The following NEDD4L variants were observed in gnomAD, a reference collection of about 807,000 sequenced individuals.
The protein encoded by NEDD4L is NEDD4 like E3 ubiquitin protein ligase.
A neutral mutation model predicts 148.9 loss-of-function variants in NEDD4L; 54 were observed. That is an observed-to-expected ratio of 0.36 (90% confidence interval 0.29 to 0.45). The LOEUF is 0.45. Among genes scored for constraint, NEDD4L ranks in the 20% least tolerant of loss-of-function variants. The pLI is 1.00. For missense variants in NEDD4L, 856 were observed against 1,233.8 expected (o/e 0.69, Z 4.59); for synonymous variants, 433 against 440.7 (o/e 0.98, Z 0.22).
chr18:58,202,990 C>T (rs1195187781), intron 2 of NEDD4L, among the ~76,000 whole-genome samples: 4 of 151,354 alleles, frequency 2.6e-5, no homozygotes, highest in African/African-American at 9.7e-5. Flanking sequence ...TTTTAAGAGA[C>T]AAGGTTTTAC....
At chr18:58,380,788 C>T (rs543465401) in intron 24 of NEDD4L, among the ~76,000 whole-genome samples, 4 of 152,200 alleles carry the variant, frequency 2.6e-5, no homozygotes, top group South Asian at 2.1e-4. Context: ...GAGTTCTCAT[C>T]GTTTAACTCC....
At chr18:58,291,845 C>T (rs2054119800) in intron 5 of NEDD4L, among the ~76,000 whole-genome samples, 1 of 152,096 alleles carries the variant, frequency 6.6e-6, no homozygotes, top group Non-Finnish European at 1.5e-5. Flanking sequence ...AAGATGTATT[C>T]AGTTTTCCCT....
intron 15 of NEDD4L, 86 bp downstream of exon 15, chr18:58,341,883 C>T (rs2042473407): frequency 2.1e-6 from 3 of 1,435,232 alleles, no homozygotes; most frequent in African/African-American, 2.8e-5. Flanking sequence ...TTCAGTTTCG[C>T]AGCCACCTCC....
intron 1 of NEDD4L, among the ~76,000 whole-genome samples, chr18:58,074,434 ATTTT>A (rs544878321): frequency 0.018 from 1,988 of 111,724 alleles, 55 homozygotes; most frequent in African/African-American, 0.06. Flanking sequence ...AATTTTTTGT[ATTTT>A]TTTTTTTTTT....
chr18:58,126,185 C>T (rs1007505681), intron 1 of NEDD4L, among the ~76,000 whole-genome samples: 7 of 152,224 alleles, frequency 4.6e-5, no homozygotes, highest in Middle Eastern at 3.2e-3. Flanking sequence ...TGATGCAATG[C>T]GGTGGCTTTT....
chr18:58,049,172 T>C (rs2081738739), intron 1 of NEDD4L, among the ~76,000 whole-genome samples: 1 of 152,232 alleles, frequency 6.6e-6, no homozygotes, highest in South Asian at 2.1e-4. Flanking sequence ...AATCATTCAG[T>C]ACTTTTAAGT....
intron 19 of NEDD4L, among the ~76,000 whole-genome samples, chr18:58,360,882 C>A (rs1412059478): frequency 2.6e-5 from 4 of 151,990 alleles, no homozygotes; most frequent in African/African-American, 9.7e-5. Context: ...AGCTTGGGTT[C>A]ATGCACCCCC....
intron 1 of NEDD4L, among the ~76,000 whole-genome samples, chr18:58,083,710 A>G (rs2083592727): frequency 6.6e-6 from 1 of 152,086 alleles, no homozygotes; most frequent in Admixed American, 6.5e-5. Context: ...AAACAAAACA[A>G]CAACAACAGA....
chr18:58,111,048 C>T (rs2085389493), intron 1 of NEDD4L, among the ~76,000 whole-genome samples: 1 of 152,138 alleles, frequency 6.6e-6, no homozygotes, highest in African/African-American at 2.4e-5. Context: ...GTTGTGCAAC[C>T]ATCATTATGA....
intron 2 of NEDD4L, among the ~76,000 whole-genome samples, chr18:58,239,069 C>G: frequency 6.6e-6 from 1 of 152,192 alleles, no homozygotes; most frequent in East Asian, 1.9e-4. Flanking sequence ...AAACCTTCAA[C>G]AAAACAAGTT....
chr18:58,330,105 T>C (rs551458934), intron 10 of NEDD4L, among the ~76,000 whole-genome samples: 1 of 152,350 alleles, frequency 6.6e-6, no homozygotes, highest in Non-Finnish European at 1.5e-5. Flanking sequence ...TAATCTTCCA[T>C]GCTATCTTAC....
chr18:58,054,448 T>C (rs2082009022), intron 1 of NEDD4L, among the ~76,000 whole-genome samples: 1 of 152,192 alleles, frequency 6.6e-6, no homozygotes, highest in Non-Finnish European at 1.5e-5. Flanking sequence ...AAGCAAAGCC[T>C]GTACAACATG....
intron 2 of NEDD4L, among the ~76,000 whole-genome samples, chr18:58,179,948 G>A (rs2038649161): frequency 6.6e-6 from 1 of 152,104 alleles, no homozygotes; most frequent in South Asian, 2.1e-4. Flanking sequence ...GAGAAAAATT[G>A]TCTTCCACAA....
intron 18 of NEDD4L, among the ~76,000 whole-genome samples, chr18:58,355,548 C>T (rs1391171880): frequency 1.3e-5 from 2 of 152,154 alleles, no homozygotes; most frequent in Non-Finnish European, 2.9e-5. Flanking sequence ...TCCATTGATA[C>T]GGTTATAATC....
rs975397409 is a variant in NEDD4L, at chr18:58,044,584, C to A, written c.-77C>A. The A allele has an allele frequency of 2.7e-6, 4 of 1,471,750 alleles. No homozygotes were observed. In the African/African-American group the frequency reaches 5.8e-5, roughly 21 times the overall value. 91.2% of individuals were successfully genotyped at this position (1,471,750 alleles called of 1,614,324 possible). A position where few individuals can be genotyped will look rare whatever the true frequency, so the allele number is the denominator to read the frequency against. On this transcript the variant is annotated 5_prime_UTR_variant, in exon 1 of 31. Transcript: ENST00000400345. ...GTGCGGGACCGGGGGGACCTGGAGG[C>A]AGAGGGGAGAACCGGCCGTCCGCGC... is the stretch of plus-strand genomic sequence containing the variant.
intron 2 of NEDD4L, among the ~76,000 whole-genome samples, chr18:58,236,731 T>C (rs1403333848): frequency 2.0e-5 from 3 of 152,136 alleles, no homozygotes; most frequent in Non-Finnish European, 4.4e-5. Context: ...CATCCTTAAA[T>C]AATTGTCATT....
chr18:58,274,604 G>C (rs541446951), intron 5 of NEDD4L, among the ~76,000 whole-genome samples: 8 of 152,186 alleles, frequency 5.3e-5, no homozygotes, highest in Non-Finnish European at 7.4e-5. Flanking sequence ...AAGATTTGTA[G>C]TTTAAGGAAA....
intron 27 of NEDD4L, 33 bp downstream of exon 27, chr18:58,387,531 G>T: frequency 6.7e-7 from 1 of 1,492,254 alleles, no homozygotes; most frequent in Non-Finnish European, 8.9e-7. Context: ...TATGTAAAGT[G>T]GATTTTTTAA....
intron 1 of NEDD4L, among the ~76,000 whole-genome samples, chr18:58,079,662 C>T (rs1253631000): frequency 1.3e-5 from 2 of 152,132 alleles, no homozygotes; most frequent in African/African-American, 4.8e-5. Flanking sequence ...GAGTTGGAGG[C>T]ATTTGTGGGC....
Sources: allele counts gnomAD v4.1 joint callset (sites outside exome capture counted in the v4.1 genomes callset), GRCh38; gene constraint gnomAD v4.1.1; transcripts MANE v1.5; gene names NCBI Gene and HGNC (gene_info 2026-07-23, HGNC 2026-07-21).